Variants in BAIAP2 observed in about 807,000 individuals in gnomAD.
BAIAP2 encodes the protein BAR/IMD domain-containing adapter protein 2.
A neutral mutation model predicts 63.0 loss-of-function variants in BAIAP2; 18 were observed. The ratio of observed to expected loss-of-function variants is 0.29; its 90% CI spans 0.20 to 0.42. The LOEUF (loss-of-function observed/expected upper bound fraction) is 0.42. Ranked by LOEUF, BAIAP2 falls within the 10% of genes least tolerant of loss-of-function variation. BAIAP2 has a pLI of 1.00. For missense variants in BAIAP2, 610 were observed against 734.3 expected (o/e 0.83, Z 1.96); for synonymous variants, 386 against 307.6 (o/e 1.25, Z -2.67).
intron 2 of BAIAP2, among the ~76,000 whole-genome samples, chr17:81,056,780 G>A (rs528742063): frequency 5.9e-5 from 9 of 152,088 alleles, no homozygotes; most frequent in Admixed American, 4.6e-4. Context: ...GCAGCCAGCC[G>A]CCCTGGAGTC....
chr17:81,103,824 T>A, intron 8 of BAIAP2, 83 bp from the exon 9 acceptor site: 1 of 1,590,698 alleles, frequency 6.3e-7, no homozygotes, highest in Non-Finnish European at 8.6e-7. Flanking sequence ...GGGCCCCTGC[T>A]GAGGGGGCGG....
chr17:81,074,593 GTGTGTGCGTGCACGGATGCGTGAGTGCC>G (rs900302692), intron 3 of BAIAP2, among the ~76,000 whole-genome samples: 11 of 151,752 alleles, frequency 7.2e-5, no homozygotes, highest in Admixed American at 3.3e-4. Flanking sequence ...GTGAGTGCCT[GTGTGTGCGTGCACGGATGCGTGAGTGCC>G]TGTGTGCGTG....
intron 1 of BAIAP2, among the ~76,000 whole-genome samples, chr17:81,041,250 C>T (rs941546140): frequency 6.6e-6 from 1 of 152,226 alleles, no homozygotes. Context: ...ATCTTGCTCC[C>T]TGGGCAGTGG....
chr17:81,073,664 C>T (rs1282526473), intron 3 of BAIAP2, among the ~76,000 whole-genome samples: 2 of 152,202 alleles, frequency 1.3e-5, no homozygotes, highest in African/African-American at 2.4e-5. Context: ...TTCCCTCCCC[C>T]AGTCTTTTTC....
chr17:81,056,025 G>A (rs963695248), intron 2 of BAIAP2, among the ~76,000 whole-genome samples: 4 of 152,176 alleles, frequency 2.6e-5, no homozygotes, highest in African/African-American at 9.7e-5. Context: ...CACCTGGTTT[G>A]CTTCCCTATG....
chr17:81,098,293 C>T (rs1401857234), intron 6 of BAIAP2: 7 of 938,128 alleles, frequency 7.5e-6, no homozygotes, highest in South Asian at 5.0e-5. Flanking sequence ...AGCGGCCGCC[C>T]TCAGCTTCTT....
chr17:81,055,353 T>A (rs2049299791), intron 2 of BAIAP2, among the ~76,000 whole-genome samples: 1 of 152,082 alleles, frequency 6.6e-6, no homozygotes, highest in Admixed American at 6.5e-5. Context: ...CCTTCATGTT[T>A]CCTTGTGGGC....
intron 8 of BAIAP2, 71 bp from the exon 9 acceptor site, chr17:81,103,836 G>A: frequency 6.3e-7 from 1 of 1,597,608 alleles, no homozygotes; most frequent in Non-Finnish European, 8.5e-7. Context: ...AGGGGGCGGA[G>A]GGTTCTCTTT....
At chr17:81,063,353 C>A (rs1222674241) in intron 3 of BAIAP2, among the ~76,000 whole-genome samples, 2 of 152,202 alleles carry the variant, frequency 1.3e-5, no homozygotes, top group East Asian at 3.8e-4. Context: ...TGTGTTCTTG[C>A]CACACGCGGA....
At chr17:81,036,712 G>A (rs1338611182) in intron 1 of BAIAP2, among the ~76,000 whole-genome samples, 1 of 152,226 alleles carries the variant, frequency 6.6e-6, no homozygotes, top group Non-Finnish European at 1.5e-5. Flanking sequence ...CTTGGGAAAG[G>A]CACAGGCCCT....
chr17:81,047,168 C>T (rs2047933827), intron 1 of BAIAP2, among the ~76,000 whole-genome samples: 1 of 152,156 alleles, frequency 6.6e-6, no homozygotes, highest in African/African-American at 2.4e-5. Flanking sequence ...GGAATGTGGC[C>T]TTTGGGAGCA....
intron 12 of BAIAP2, chr17:81,107,420 G>C (rs1211658855): frequency 3.2e-5 from 5 of 154,800 alleles, no homozygotes; most frequent in African/African-American, 1.2e-4. Context: ...GGAGGCCAGA[G>C]GTGGAGGATC....
intron 1 of BAIAP2, among the ~76,000 whole-genome samples, chr17:81,043,411 C>T (rs1047551091): frequency 1.3e-5 from 2 of 152,388 alleles, no homozygotes; most frequent in East Asian, 3.9e-4. Context: ...ACTCCAGGGC[C>T]TCGGTGGCCC....
intron 1 of BAIAP2, among the ~76,000 whole-genome samples, chr17:81,035,562 C>T (rs2046112261): frequency 6.7e-6 from 1 of 149,668 alleles, no homozygotes; most frequent in African/African-American, 2.4e-5. Flanking sequence ...GGTCAGTCCC[C>T]AGCCCCAGGC....
rs2046068348 is a variant in BAIAP2 at position 81,035,367 on chromosome 17, C to T, written c.54+59C>T. On this transcript the variant is annotated intron_variant, in intron 1 of 13. Coordinates refer to ENST00000428708, the MANE Select transcript of BAIAP2 (RefSeq NM_001144888.2). ...CCGTGTGCGCCTGGGTCGCGCGCCG[C>T]CCGCGCGCCCGAGCCCGACCAGGGC... is the stretch of plus-strand genomic sequence containing the variant. The T allele has an allele frequency of 1.3e-5, 14 of 1,104,476 alleles. No homozygotes were observed. The South Asian group carries it at 3.3e-4, about 26-fold the overall frequency. The allele number at this position is 1,104,476 out of a possible 1,614,324, so 68.4% of individuals were successfully genotyped here. A position where few individuals can be genotyped will look rare whatever the true frequency, so the allele number is the denominator to read the frequency against.
rs146859140 is a variant in BAIAP2, at chr17:81,073,924, T to G, written c.218-10908T>G. Reference sequence around the variant, plus strand: ...CACGGTTAAGCCCGTGTATCACTTATTTGTCTCAAGTGCTTATGGAGCAGT... The same window carrying G: ...CACGGTTAAGCCCGTGTATCACTTAGTTGTCTCAAGTGCTTATGGAGCAGT... On this transcript the variant is annotated intron_variant, in intron 3 of 13. Coordinates refer to ENST00000428708, the MANE Select transcript of BAIAP2 (RefSeq NM_001144888.2). 3.4e-4 allele frequency among the ~76,000 whole-genome samples: 52 copies of G among 152,292 alleles called. No individual in the cohort carries two copies. In the East Asian group the frequency reaches 9.5e-3, roughly 28 times the overall value.
At chr17:81,102,284 G>A (rs1347819686) in intron 7 of BAIAP2, among the ~76,000 whole-genome samples, 2 of 152,166 alleles carry the variant, frequency 1.3e-5, no homozygotes, top group South Asian at 2.1e-4. Context: ...ACGCTGGCTC[G>A]TGGCCGCTGT....
intron 1 of BAIAP2, among the ~76,000 whole-genome samples, chr17:81,037,243 G>A (rs945543502): frequency 5.3e-5 from 8 of 152,226 alleles, no homozygotes; most frequent in East Asian, 1.9e-4. Flanking sequence ...AAGATGTGGC[G>A]GTTGATGATT....
intron 6 of BAIAP2, among the ~76,000 whole-genome samples, chr17:81,095,186 G>A (rs888081367): frequency 2.6e-5 from 4 of 152,066 alleles, no homozygotes; most frequent in African/African-American, 4.8e-5. Flanking sequence ...AGCGGCGGGC[G>A]GGGACTGGAG....
Sources: allele counts gnomAD v4.1 joint callset (sites outside exome capture counted in the v4.1 genomes callset), GRCh38; gene constraint gnomAD v4.1.1; transcripts MANE v1.5; gene names NCBI Gene and HGNC (gene_info 2026-07-23, HGNC 2026-07-21).